The following CTNNA3 variants were observed in gnomAD, a reference collection of about 807,000 sequenced individuals.
The protein encoded by CTNNA3 is catenin alpha 3, also known as catenin alpha-3.
A neutral mutation model predicts 95.7 loss-of-function variants in CTNNA3; 76 were observed. That is an observed-to-expected ratio of 0.79 (90% CI 0.66 to 0.96). CTNNA3 has a LOEUF of 0.96. Among genes scored for constraint, CTNNA3 ranks in the 40% least tolerant of loss-of-function variants. The pLI is 0.00. For synonymous variants in CTNNA3, 431 were observed against 374.4 expected, an observed-to-expected ratio of 1.15 and a Z score of -1.74; for missense variants, 1,191 against 1,089.8, an observed-to-expected ratio of 1.09 and a Z score of -1.31.
intron 13 of CTNNA3, among the ~76,000 whole-genome samples, chr10:66,109,410 C>T (rs1221576263): frequency 6.6e-6 from 1 of 152,144 alleles, no homozygotes; most frequent in Non-Finnish European, 1.5e-5. Flanking sequence ...TTAGCACCAA[C>T]CCTAGCTTCT....
At chr10:66,395,461 T>A (rs1281773071) in intron 11 of CTNNA3, among the ~76,000 whole-genome samples, 1 of 152,012 alleles carries the variant, frequency 6.6e-6, no homozygotes, top group East Asian at 1.9e-4. Context: ...ATTGTTTTTA[T>A]CATATGTAAA....
At chr10:66,644,780 G>C (rs1211979379) in intron 9 of CTNNA3, among the ~76,000 whole-genome samples, 2 of 151,894 alleles carry the variant, frequency 1.3e-5, no homozygotes, top group Admixed American at 6.6e-5. Flanking sequence ...TGTGCAATAA[G>C]TCTATACAAT....
intron 5 of CTNNA3, among the ~76,000 whole-genome samples, chr10:67,445,741 T>C (rs1466965709): frequency 6.6e-6 from 1 of 152,170 alleles, no homozygotes; most frequent in Non-Finnish European, 1.5e-5. Context: ...CTTTGAATAA[T>C]AACAGGATCA....
chr10:67,156,078 T>C (rs1327830960), intron 7 of CTNNA3, among the ~76,000 whole-genome samples: 1 of 152,130 alleles, frequency 6.6e-6, no homozygotes, highest in Admixed American at 6.6e-5. Flanking sequence ...AATTTGTTAG[T>C]GTAGAATTGT....
intron 13 of CTNNA3, among the ~76,000 whole-genome samples, chr10:66,127,723 A>G (rs528164254): frequency 6.6e-6 from 1 of 152,350 alleles, no homozygotes; most frequent in African/African-American, 2.4e-5. Context: ...CAAAAGTACT[A>G]TATGAATGAA....
At chr10:66,810,949 C>T (rs370466474) in intron 7 of CTNNA3, among the ~76,000 whole-genome samples, 4 of 152,276 alleles carry the variant, frequency 2.6e-5, no homozygotes, top group African/African-American at 4.8e-5. Context: ...TTCATCTCTA[C>T]ATCCTAGGTA....
chr10:67,723,281 C>T lies in CTNNA3; in HGVS notation c.-2+40153G>A, dbSNP rs545607008. ...GGATTATAGGCATGAGCCACGGCAC[C>T]TGGCCTCTTTTTTTTTTTTTTTCTT... On this transcript the variant is annotated intron_variant, in intron 1 of 17. Transcript: ENST00000684154. 1.6e-4 allele frequency among the ~76,000 whole-genome samples: 24 copies of T among 151,302 alleles called. 1 individual carries two copies. The South Asian group carries it at 4.8e-3, about 30-fold the overall frequency.
intron 11 of CTNNA3, among the ~76,000 whole-genome samples, chr10:66,397,668 GA>G (rs1433699176): frequency 6.6e-6 from 1 of 151,754 alleles, no homozygotes; most frequent in African/African-American, 2.4e-5. Flanking sequence ...TCTAGTCGTA[GA>G]AATAAGCAAC....
intron 15 of CTNNA3, among the ~76,000 whole-genome samples, chr10:66,050,638 C>A (rs924287460): frequency 6.6e-6 from 1 of 152,120 alleles, no homozygotes; most frequent in Non-Finnish European, 1.5e-5. Flanking sequence ...CCAATCCTTT[C>A]ATGATGTGTT....
At chr10:66,973,940 C>T (rs1270436489) in intron 7 of CTNNA3, among the ~76,000 whole-genome samples, 3 of 152,130 alleles carry the variant, frequency 2.0e-5, no homozygotes, top group Non-Finnish European at 4.4e-5. Flanking sequence ...TTTTAATCAA[C>T]TTTATTGAAA....
intron 10 of CTNNA3, among the ~76,000 whole-genome samples, chr10:66,562,902 C>A (rs1415428040): frequency 6.6e-6 from 1 of 152,036 alleles, no homozygotes; most frequent in Non-Finnish European, 1.5e-5. Flanking sequence ...TAGCATAACT[C>A]CTATTAATGA....
At chr10:67,742,388 C>A (rs1215649692) in intron 1 of CTNNA3, among the ~76,000 whole-genome samples, 2 of 151,174 alleles carry the variant, frequency 1.3e-5, no homozygotes, top group Non-Finnish European at 3.0e-5. Context: ...GAACAACCCG[C>A]TCCTGAATGA....
intron 5 of CTNNA3, among the ~76,000 whole-genome samples, chr10:67,510,783 G>T (rs1839599196): frequency 6.6e-6 from 1 of 152,118 alleles, no homozygotes; most frequent in Non-Finnish European, 1.5e-5. Context: ...ATTACCTTGG[G>T]CAGTATGGCC....
intron 5 of CTNNA3, among the ~76,000 whole-genome samples, chr10:67,371,626 C>A (rs1269443656): frequency 2.0e-5 from 3 of 152,154 alleles, no homozygotes; most frequent in African/African-American, 7.2e-5. Context: ...TCCAGTCTAT[C>A]ATTGATGGAC....
intron 13 of CTNNA3, among the ~76,000 whole-genome samples, chr10:66,130,068 A>C (rs1257112710): frequency 6.6e-6 from 1 of 152,106 alleles, no homozygotes; most frequent in Admixed American, 6.5e-5. Context: ...CACTGCCATC[A>C]GTGCTAAACT....
intron 17 of CTNNA3, among the ~76,000 whole-genome samples, 189 bp downstream of exon 17, chr10:65,966,423 C>T (rs558601618): frequency 6.1e-4 from 93 of 152,258 alleles, no homozygotes; most frequent in African/African-American, 2.1e-3. Flanking sequence ...ACATTTTTAA[C>T]CTTTCTTTAA....
chr10:67,085,544 T>G (rs998690046), intron 7 of CTNNA3, among the ~76,000 whole-genome samples: 3 of 152,008 alleles, frequency 2.0e-5, no homozygotes, highest in Non-Finnish European at 4.4e-5. Context: ...GAAGTTGATC[T>G]TTATTAAAAT....
At chr10:67,335,071 A>T (rs1841944736) in intron 5 of CTNNA3, among the ~76,000 whole-genome samples, 1 of 152,098 alleles carries the variant, frequency 6.6e-6, no homozygotes, top group African/African-American at 2.4e-5. Context: ...AGAAAAAAAA[A>T]TCTACTGCCA....
At chr10:66,020,939 C>G (rs1165138893) in intron 15 of CTNNA3, among the ~76,000 whole-genome samples, 2 of 152,112 alleles carry the variant, frequency 1.3e-5, no homozygotes, top group Non-Finnish European at 2.9e-5. Flanking sequence ...TCCCAAATTG[C>G]TGGGATTACA....
Sources: allele counts gnomAD v4.1 joint callset (sites outside exome capture counted in the v4.1 genomes callset), GRCh38; gene constraint gnomAD v4.1.1; transcripts MANE v1.5; gene names NCBI Gene and HGNC (gene_info 2026-07-23, HGNC 2026-07-21).